The following ZFAT variants were observed in gnomAD, a reference collection of about 807,000 sequenced individuals.
The protein encoded by ZFAT is zinc finger protein ZFAT.
ZFAT carries 64 observed loss-of-function variants against 117.7 expected under a neutral mutation model. The observed-to-expected ratio is 0.54, with a 90% confidence interval of 0.44 to 0.67. The LOEUF is 0.67. Ranked by LOEUF, ZFAT falls within the 30% of genes least tolerant of loss-of-function variation. ZFAT has a pLI of 0.00. For synonymous variants in ZFAT, 679 were observed against 615.0 expected (o/e 1.10, Z -1.54); for missense variants, 1,433 against 1,584.5 (o/e 0.90, Z 1.62).
intron 11 of ZFAT, among the ~76,000 whole-genome samples, chr8:134,546,783 A>G (rs1442812787): frequency 6.6e-6 from 1 of 152,216 alleles, no homozygotes; most frequent in Non-Finnish European, 1.5e-5. Flanking sequence ...CAACTTTGAG[A>G]ATGTTTGCTC....
intron 11 of ZFAT, among the ~76,000 whole-genome samples, chr8:134,555,635 GC>G (rs1823522515): frequency 6.6e-6 from 1 of 151,766 alleles, no homozygotes; most frequent in African/African-American, 2.4e-5. Context: ...ATGCAAAGAA[GC>G]AAGAAAAGAT....
intron 10 of ZFAT, among the ~76,000 whole-genome samples, chr8:134,577,841 C>CA (rs375159945): frequency 6.6e-6 from 1 of 151,908 alleles, no homozygotes; most frequent in African/African-American, 2.4e-5. Context: ...GTAACAGAGA[C>CA]AAAAAAGTAG....
At chr8:134,592,587 G>A (rs1443833652) in intron 7 of ZFAT, among the ~76,000 whole-genome samples, 1 of 152,174 alleles carries the variant, frequency 6.6e-6, no homozygotes, top group African/African-American at 2.4e-5. Flanking sequence ...GAAGGATAAG[G>A]GAGATGAAAA....
chr8:134,564,657 G>T (rs1049716451), intron 11 of ZFAT, among the ~76,000 whole-genome samples: 1 of 152,114 alleles, frequency 6.6e-6, no homozygotes, highest in African/African-American at 2.4e-5. Context: ...CTTTCCATGT[G>T]TGCCATGTGT....
chr8:134,478,705 G>A lies in ZFAT; in HGVS notation c.3509C>T (p.Pro1170Leu), dbSNP rs1252210694. The A allele has an allele frequency of 3.8e-6, 6 of 1,570,060 alleles. No individual in the cohort carries two copies. Among genetic ancestry groups the A allele is most frequent in the Non-Finnish European group, 5.2e-6 (6 of 1,157,732 alleles). ...GATCATGACCGTGTGGTTGGAGCTG[G>A]GCTCCTCCTCGGTGACCTGCGGGAG... is the stretch of plus-strand genomic sequence containing the variant. ...TVVKQVTEEE[P>L]SSNHTVMIQE... is the part of the protein sequence containing the mutation. Residue 1170 changes from proline (P) to leucine (L), a missense_variant, in exon 16 of 16, where the codon CCC (proline) becomes CTC (leucine). Pro to Leu is a moderately conservative substitution (Grantham distance 98, BLOSUM62 -3). Transcript: ENST00000377838. The surrounding 1 kb of genome is among the most constrained non-coding windows in gnomAD (Gnocchi z 5.2).
At chr8:134,687,340 CTCAGCA>C (rs1249904359) in intron 1 of ZFAT, among the ~76,000 whole-genome samples, 1 of 152,178 alleles carries the variant, frequency 6.6e-6, no homozygotes, top group African/African-American at 2.4e-5. Flanking sequence ...ATGAGAAATA[CTCAGCA>C]TCAGCTATAA....
chr8:134,497,517 A>C (rs1343144891), intron 15 of ZFAT, among the ~76,000 whole-genome samples: 2 of 36,826 alleles, frequency 5.4e-5, no homozygotes, highest in Non-Finnish European at 5.1e-5. Context: ...GGGATGCCCC[A>C]GCTGCTGGTT....
intron 15 of ZFAT, among the ~76,000 whole-genome samples, 198 bp downstream of exon 15, chr8:134,509,421 C>A (rs1819647061): frequency 6.6e-6 from 1 of 151,960 alleles, no homozygotes; most frequent in Non-Finnish European, 1.5e-5. Flanking sequence ...ATCTCTCCCC[C>A]AAACACCTCC....
At chr8:134,527,765 A>G (rs540890688) in intron 12 of ZFAT, among the ~76,000 whole-genome samples, 10 of 152,322 alleles carry the variant, frequency 6.6e-5, no homozygotes, top group African/African-American at 2.2e-4. Flanking sequence ...AGAGGAAACA[A>G]AGTGCATTTT....
At chr8:134,499,905 C>T (rs1818842503) in intron 15 of ZFAT, among the ~76,000 whole-genome samples, 1 of 152,128 alleles carries the variant, frequency 6.6e-6, no homozygotes. Context: ...GCTGGGGACA[C>T]CAGATGGATA....
At chr8:134,627,781 G>A (rs1829617583) in intron 3 of ZFAT, among the ~76,000 whole-genome samples, 1 of 152,224 alleles carries the variant, frequency 6.6e-6, no homozygotes, top group South Asian at 2.1e-4. Context: ...GAATGCTACA[G>A]ACAGAGCCAG....
At chr8:134,582,577 G>C (rs1426749008) in intron 10 of ZFAT, among the ~76,000 whole-genome samples, 1 of 151,902 alleles carries the variant, frequency 6.6e-6, no homozygotes. Flanking sequence ...TACTGTCATT[G>C]TATTTTTAAT....
At chr8:134,829,811 G>C in the ZFAT span, among the ~76,000 whole-genome samples, 1 of 151,986 alleles carries the variant, frequency 6.6e-6, no homozygotes, top group African/African-American at 2.4e-5. Context: ...CTCTAAAAAT[G>C]TCACCCAAAA....
intron 7 of ZFAT, among the ~76,000 whole-genome samples, chr8:134,590,869 C>G (rs1826452662): frequency 6.6e-6 from 1 of 152,190 alleles, no homozygotes; most frequent in Non-Finnish European, 1.5e-5. Flanking sequence ...CTCATCAGCA[C>G]CATCATTATC....
chr8:134,725,501 G>A, the ZFAT span, among the ~76,000 whole-genome samples: 4 of 152,156 alleles, frequency 2.6e-5, no homozygotes, highest in Middle Eastern at 6.8e-3. Context: ...GGTGCTACAC[G>A]CTTTTCTACA....
At chr8:134,669,205 C>T (rs960342004) in intron 1 of ZFAT, among the ~76,000 whole-genome samples, 1 of 152,280 alleles carries the variant, frequency 6.6e-6, no homozygotes, top group Admixed American at 6.5e-5. Context: ...AGAACTTCCC[C>T]AGCCTAACAA....
intron 15 of ZFAT, among the ~76,000 whole-genome samples, chr8:134,483,308 T>C (rs1382212919): frequency 6.6e-6 from 1 of 152,160 alleles, no homozygotes; most frequent in East Asian, 1.9e-4. Flanking sequence ...CCTGGCCTCG[T>C]GACTTATGTA....
At chr8:134,480,656 G>C (rs888797871) in intron 15 of ZFAT, among the ~76,000 whole-genome samples, 4 of 152,236 alleles carry the variant, frequency 2.6e-5, no homozygotes, top group African/African-American at 9.6e-5. Flanking sequence ...GATGGGCATA[G>C]GGACTGGGGA....
intron 15 of ZFAT, among the ~76,000 whole-genome samples, chr8:134,503,762 G>A (rs1483754843): frequency 1.3e-5 from 2 of 152,106 alleles, no homozygotes; most frequent in African/African-American, 4.8e-5. Flanking sequence ...TTGATCTCAA[G>A]CTGAAACACT....
Sources: allele counts gnomAD v4.1 joint callset (sites outside exome capture counted in the v4.1 genomes callset), GRCh38; gene constraint gnomAD v4.1.1; non-coding constraint Gnocchi (gnomAD v3.1); transcripts MANE v1.5; gene names NCBI Gene and HGNC (gene_info 2026-07-23, HGNC 2026-07-21).